Variants in PDE1B observed in about 807,000 individuals in gnomAD.
PDE1B encodes dual specificity calcium/calmodulin-dependent 3',5'-cyclic nucleotide phosphodiesterase 1B.
In PDE1B, 13 loss-of-function variants were observed where a neutral mutation model predicts 66.7. That is an observed-to-expected ratio of 0.19 (90% CI 0.13 to 0.31). The LOEUF is 0.31. PDE1B is among the 10% of genes least tolerant of loss of function. The probability of loss-of-function intolerance (pLI) is 1.00; values close to 1 mark genes in which losing one functional copy is unlikely to be tolerated. For missense variants in PDE1B, 485 were observed against 682.3 expected (o/e 0.71, Z 3.22); for synonymous variants, 230 against 253.9 (o/e 0.91, Z 0.90).
intron 2 of PDE1B, among the ~76,000 whole-genome samples, chr12:54,566,731 G>A (rs1311731975): frequency 1.3e-5 from 2 of 152,198 alleles, no homozygotes; most frequent in African/African-American, 4.8e-5. Flanking sequence ...AGATGGTGGT[G>A]GGGATGGTGG....
At chr12:54,563,525 A>G (rs1302585327) in intron 2 of PDE1B, among the ~76,000 whole-genome samples, 1 of 152,182 alleles carries the variant, frequency 6.6e-6, no homozygotes, top group Non-Finnish European at 1.5e-5. Context: ...GAGCTTCCTA[A>G]TTACCAGCCT....
chr12:54,561,484 G>C (rs1957409551), intron 2 of PDE1B: 1 of 1,375,006 alleles, frequency 7.3e-7, no homozygotes, highest in Non-Finnish European at 9.4e-7. Context: ...GGGACCTGGA[G>C]GAGGAAGGCA....
intron 15 of PDE1B, 28 bp downstream of exon 15, chr12:54,577,373 G>C: frequency 1.2e-6 from 2 of 1,611,212 alleles, no homozygotes; most frequent in Non-Finnish European, 1.7e-6. Context: ...GAGGGTGTAG[G>C]AGAGCTGGTG....
Position 54,576,583 on chromosome 12 carries a change from C to T in PDE1B, c.1389C>T (p.Arg463=). ...KSKNQPSFQW[R]QPSLDVEVGD... is the part of the protein sequence containing the mutation. ...GTTCTGCTTCTAGCTTTCAGTGGCG[C>T]CAGCCCTCTCTGGATGTGGAAGTGG... Residue 463 remains arginine (R), a synonymous_variant, in exon 14 of 16, where the codon CGC becomes CGT. Coordinates refer to ENST00000243052, the MANE Select transcript of PDE1B (RefSeq NM_000924.4). The T allele has an allele frequency of 6.2e-7, 1 of 1,614,028 alleles. No homozygotes were observed. The highest frequency in any genetic ancestry group is 1.7e-5 in the Admixed American group (1 of 60,000).
intron 2 of PDE1B, among the ~76,000 whole-genome samples, chr12:54,558,812 A>G (rs1957371577): frequency 6.6e-6 from 1 of 152,186 alleles, no homozygotes; most frequent in Non-Finnish European, 1.5e-5. Context: ...TTTGTTTATG[A>G]ATGACTCAAT....
rs1555175303 is a variant in PDE1B at position 54,569,117 on chromosome 12, T to C, written c.228-67T>C. The C allele has an allele frequency of 6.6e-7, 1 of 1,524,440 alleles. No homozygotes were observed. Among genetic ancestry groups the C allele is most frequent in the Non-Finnish European group, 8.8e-7 (1 of 1,133,514 alleles). 94.4% of individuals were successfully genotyped at this position (1,524,440 alleles called of 1,614,324 possible). On this transcript the variant is annotated intron_variant, in intron 3 of 15. Transcript: ENST00000243052. This position sits in a 1 kb window ranked among gnomAD's most constrained non-coding sequence, Gnocchi z 4.4. ...TTACTAAATGTGGGGTATGGCTGGG[T>C]ACAGGGTCTCTAGGCTGTGGAAGCA...
intron 3 of PDE1B, among the ~76,000 whole-genome samples, chr12:54,567,587 A>C (rs1287111481): frequency 6.6e-6 from 1 of 151,990 alleles, no homozygotes; most frequent in Non-Finnish European, 1.5e-5. Context: ...AGAGATAAAG[A>C]AGCAGAGGCA....
In PDE1B at chr12:54,569,875, G is replaced by C. The variant is rs1265848995; in HGVS notation, c.477+263G>C. On this transcript the variant is annotated intron_variant, in intron 5 of 15. Coordinates refer to ENST00000243052, the MANE Select transcript of PDE1B (RefSeq NM_000924.4). The surrounding 1 kb of genome is among the most constrained non-coding windows in gnomAD (Gnocchi z 4.4). Reference sequence around the variant, plus strand: ...CCACCATGCCCAGCTAATTTTTGTAGTTTTAGTAGAGATGGGGTTTCACCA... The same window carrying C: ...CCACCATGCCCAGCTAATTTTTGTACTTTTAGTAGAGATGGGGTTTCACCA... Among the ~76,000 whole-genome samples the C allele has an allele frequency of 6.6e-6, 1 of 151,864 alleles. No individual in the cohort carries two copies. Among genetic ancestry groups the C allele is most frequent in the African/African-American group, 2.4e-5 (1 of 41,368 alleles).
At chr12:54,574,194 T>A (rs1957682530) in intron 10 of PDE1B, 1 of 184,248 alleles carries the variant, frequency 5.4e-6, no homozygotes, top group Admixed American at 5.4e-5. Flanking sequence ...TTACATCTAA[T>A]GTTGCTTAGA....
Position 54,569,236 on chromosome 12 carries a change from C to A in PDE1B, c.280C>A (p.Pro94Thr). ...ELQELRSDAV[P>T]SEVRDWLAST... ...GCAGGAGCTGCGGTCAGATGCCGTG[C>A]CTTCGGAGGTGCGGGACTGGCTGGC... is the stretch of plus-strand genomic sequence containing the variant. Residue 94 changes from proline to threonine, a missense_variant, in exon 4 of 16, where the codon CCT (proline) becomes ACT (threonine). Transcript: ENST00000243052. The surrounding 1 kb of genome is among the most constrained non-coding windows in gnomAD (Gnocchi z 4.4). 6.2e-7 allele frequency: 1 copy of A among 1,612,986 alleles called. No individual in the cohort carries two copies. Among genetic ancestry groups the A allele is most frequent in the Non-Finnish European group, 8.5e-7 (1 of 1,179,194 alleles).
chr12:54,576,621 C>G lies in PDE1B; in HGVS notation c.1427C>G (p.Pro476Arg), dbSNP rs759657630. ...SLDVEVGDPN[P>R]DVVSFRSTWV... ...GATGTGGAAGTGGGAGACCCCAACC[C>G]TGATGTGGTCAGCTTTCGTTCCACC... The change falls in exon 14 of 16, where the codon CCT becomes CGT. Residue 476 changes from proline to arginine, a missense_variant. By Grantham distance (103) the Pro-to-Arg change is moderately radical. Transcript: ENST00000243052. 10 of 1,613,912 alleles carry G rather than the reference C, an allele frequency of 6.2e-6. No homozygotes were observed. The Admixed American group carries it at 1.7e-4, about 27-fold the overall frequency.
intron 2 of PDE1B, among the ~76,000 whole-genome samples, chr12:54,565,982 C>T (rs1957508373): frequency 6.6e-6 from 1 of 152,118 alleles, no homozygotes. Flanking sequence ...CATTTCAGCC[C>T]CAGATTGGTT....
chr12:54,549,623 A>C lies in PDE1B; in HGVS notation c.-163A>C. 2.2e-6 allele frequency: 1 copy of C among 457,646 alleles called. No individual in the cohort carries two copies. 28.3% of individuals were successfully genotyped at this position (457,646 alleles called of 1,614,324 possible). A position where few individuals can be genotyped will look rare whatever the true frequency, so the allele number is the denominator to read the frequency against. On this transcript the variant is annotated 5_prime_UTR_variant, in exon 1 of 16. Transcript: ENST00000243052. ...GGCAGCGCGCGGCGGCGGCGGCGGT[A>C]GCGGCAGCAGCAGCGGCGGTGCGGA...
intron 3 of PDE1B, among the ~76,000 whole-genome samples, chr12:54,568,691 G>A (rs1957561189): frequency 6.6e-6 from 1 of 151,996 alleles, no homozygotes; most frequent in Non-Finnish European, 1.5e-5. Context: ...AGCTACTCAG[G>A]AGGCTGAGGC....
chr12:54,566,916 C>A, intron 2 of PDE1B, 58 bp from the exon 3 acceptor site: 1 of 811,634 alleles, frequency 1.2e-6, no homozygotes, highest in Non-Finnish European at 2.1e-6. Flanking sequence ...AGGGAGTATG[C>A]TGTTCTCATG....
intron 2 of PDE1B, among the ~76,000 whole-genome samples, chr12:54,551,443 C>A (rs1467847909): frequency 6.6e-6 from 1 of 152,168 alleles, no homozygotes; most frequent in African/African-American, 2.4e-5. Context: ...CCAGATTGAA[C>A]TGATTTTTGT....
intron 2 of PDE1B, among the ~76,000 whole-genome samples, chr12:54,558,178 G>T (rs1315400722): frequency 6.6e-6 from 1 of 152,146 alleles, no homozygotes; most frequent in Non-Finnish European, 1.5e-5. Flanking sequence ...TCTTCAGTGT[G>T]TTCCCAGCTT....
chr12:54,576,053 T>C lies in PDE1B; in HGVS notation c.1329T>C (p.Ser443=), dbSNP rs1237014681. 1 of 1,613,704 alleles carries C rather than the reference T, an allele frequency of 6.2e-7. No homozygotes were observed. Among genetic ancestry groups the C allele is most frequent in the South Asian group, 1.1e-5 (1 of 91,056 alleles). ...TGCTGACTGACGTGGCAGAGAAGAGTGTTCAGCCCCTGGCGGATGAGGACT... is the reference window on the plus strand; with the variant it reads ...TGCTGACTGACGTGGCAGAGAAGAGCGTTCAGCCCCTGGCGGATGAGGACT... ...FSVLTDVAEK[S]VQPLADEDSK... The change falls in exon 13 of 16, where the codon AGT becomes AGC. Residue 443 remains serine (S), a synonymous_variant. Coordinates refer to ENST00000243052, the MANE Select transcript of PDE1B (RefSeq NM_000924.4).
chr12:54,553,895 G>A (rs1425832840), intron 2 of PDE1B, among the ~76,000 whole-genome samples: 1 of 152,172 alleles, frequency 6.6e-6, no homozygotes, highest in African/African-American at 2.4e-5. Flanking sequence ...TGCCTGACAC[G>A]TATACATGTG....
Sources: allele counts gnomAD v4.1 joint callset (sites outside exome capture counted in the v4.1 genomes callset), GRCh38; gene constraint gnomAD v4.1.1; non-coding constraint Gnocchi (gnomAD v3.1); transcripts MANE v1.5; gene names NCBI Gene and HGNC (gene_info 2026-07-23, HGNC 2026-07-21).